The following LYPD6 variants were observed in gnomAD, a reference collection of about 807,000 sequenced individuals.
The protein encoded by LYPD6 is LY6/PLAUR domain containing 6.
In LYPD6, 15 loss-of-function variants were observed where a neutral mutation model predicts 22.7. The ratio of observed to expected loss-of-function variants is 0.66; its 90% CI spans 0.44 to 1.02. The LOEUF is 1.02. Ranked by LOEUF, LYPD6 falls within the 50% of genes least tolerant of loss-of-function variation. The pLI, the probability that LYPD6 is intolerant of heterozygous loss-of-function variation, is 0.00. For synonymous variants in LYPD6, 72 were observed against 77.5 expected (o/e 0.93, Z 0.37); for missense variants, 189 against 208.4 (o/e 0.91, Z 0.57).
At chr2:149,455,494 G>A (rs1237105766) in intron 3 of LYPD6, among the ~76,000 whole-genome samples, 1 of 151,942 alleles carries the variant, frequency 6.6e-6, no homozygotes, top group Non-Finnish European at 1.5e-5. Flanking sequence ...TCCTGACCTC[G>A]TGATCCACCC....
chr2:149,385,247 C>A (rs1483488576), intron 1 of LYPD6, among the ~76,000 whole-genome samples: 4 of 151,996 alleles, frequency 2.6e-5, no homozygotes, highest in Non-Finnish European at 5.9e-5. Flanking sequence ...GTGTGTAAAC[C>A]CAGCCTACCC....
At chr2:149,367,602 G>A (rs989149982) in intron 1 of LYPD6, 5 of 152,210 alleles carry the variant, frequency 3.3e-5, no homozygotes, top group Admixed American at 6.5e-5. Flanking sequence ...TAGATTCTTT[G>A]AGGGAAGAGA....
intron 1 of LYPD6, among the ~76,000 whole-genome samples, chr2:149,339,579 A>T (rs537297141): frequency 8.5e-5 from 13 of 152,302 alleles, no homozygotes; most frequent in African/African-American, 3.1e-4. Flanking sequence ...AGCTAGACAG[A>T]TACCCAAAGT....
At chr2:149,421,149 A>T (rs1418118634) in intron 1 of LYPD6, among the ~76,000 whole-genome samples, 1 of 152,016 alleles carries the variant, frequency 6.6e-6, no homozygotes, top group African/African-American at 2.4e-5. Context: ...TAATCCCAGC[A>T]CTTTGGGAGG....
intron 3 of LYPD6, among the ~76,000 whole-genome samples, chr2:149,459,467 G>T (rs1681037836): frequency 6.6e-6 from 1 of 152,166 alleles, no homozygotes; most frequent in African/African-American, 2.4e-5. Flanking sequence ...AAAAAACTTA[G>T]TAAACGTACT....
At chr2:149,425,901 A>G (rs1049511736) in intron 1 of LYPD6, among the ~76,000 whole-genome samples, 1 of 152,238 alleles carries the variant, frequency 6.6e-6, no homozygotes, top group African/African-American at 2.4e-5. Flanking sequence ...CACAAAAATA[A>G]AACTGCGATG....
intron 1 of LYPD6, among the ~76,000 whole-genome samples, chr2:149,358,421 A>C (rs1229446583): frequency 6.6e-6 from 1 of 152,174 alleles, no homozygotes; most frequent in Non-Finnish European, 1.5e-5. Context: ...GCATTCAGGG[A>C]TTGCTTTAAC....
chr2:149,367,986 A>G (rs577778881), intron 1 of LYPD6: 1 of 152,336 alleles, frequency 6.6e-6, no homozygotes, highest in South Asian at 2.1e-4. Flanking sequence ...AGGTACCGTG[A>G]ATATAAGTAG....
At chr2:149,352,749 G>A (rs980489545) in intron 1 of LYPD6, among the ~76,000 whole-genome samples, 2 of 152,188 alleles carry the variant, frequency 1.3e-5, no homozygotes, top group Admixed American at 1.3e-4. Context: ...TAAAATATTT[G>A]TTATCTGGCC....
chr2:149,486,047 C>T, the LYPD6 span, among the ~76,000 whole-genome samples: 2 of 152,166 alleles, frequency 1.3e-5, no homozygotes, highest in Non-Finnish European at 2.9e-5. Flanking sequence ...AACTGAAATA[C>T]ATTTCACAAA....
intron 3 of LYPD6, among the ~76,000 whole-genome samples, chr2:149,465,893 A>G (rs1053278549): frequency 2.0e-5 from 3 of 152,202 alleles, no homozygotes; most frequent in African/African-American, 7.2e-5. Context: ...TGGGAATACC[A>G]TGTAGTTGCA....
chr2:149,331,131 C>T (rs1359463422), intron 1 of LYPD6, among the ~76,000 whole-genome samples: 1 of 152,188 alleles, frequency 6.6e-6, no homozygotes, highest in East Asian at 1.9e-4. Flanking sequence ...CAGCACCCCA[C>T]ATGTTGCTGC....
intron 3 of LYPD6, among the ~76,000 whole-genome samples, chr2:149,461,565 C>T (rs1681088210): frequency 6.6e-6 from 1 of 151,986 alleles, no homozygotes; most frequent in Admixed American, 6.6e-5. Flanking sequence ...GATACCAAAA[C>T]CAGACCAACA....
At chr2:149,423,358 A>G (rs983311810) in intron 1 of LYPD6, among the ~76,000 whole-genome samples, 2 of 152,178 alleles carry the variant, frequency 1.3e-5, no homozygotes, top group African/African-American at 4.8e-5. Flanking sequence ...CCTTAAATAC[A>G]TTTCCAGTTC....
intron 1 of LYPD6, among the ~76,000 whole-genome samples, chr2:149,352,245 A>G (rs527828139): frequency 7.9e-5 from 12 of 152,324 alleles, no homozygotes; most frequent in African/African-American, 2.6e-4. Flanking sequence ...CTTCAAATGC[A>G]TAAAGGGCTG....
At chr2:149,485,606 C>T in the LYPD6 span, among the ~76,000 whole-genome samples, 6 of 152,174 alleles carry the variant, frequency 3.9e-5, no homozygotes, top group South Asian at 6.2e-4. Flanking sequence ...ATGAAACCTG[C>T]TCTGTTTGTC....
chr2:149,477,469 A>G (rs1681462810), downstream of LYPD6, among the ~76,000 whole-genome samples: 1 of 152,066 alleles, frequency 6.6e-6, no homozygotes, highest in Admixed American at 6.5e-5. Flanking sequence ...CTAAAAAAAC[A>G]AAAATTAGCC....
At chr2:149,354,849 G>T (rs1681422972) in intron 1 of LYPD6, among the ~76,000 whole-genome samples, 1 of 152,160 alleles carries the variant, frequency 6.6e-6, no homozygotes, top group African/African-American at 2.4e-5. Flanking sequence ...TTACGTAATG[G>T]TAGGGCTAGC....
intron 2 of LYPD6, among the ~76,000 whole-genome samples, chr2:149,446,766 C>T (rs1056484462): frequency 6.6e-6 from 1 of 152,070 alleles, no homozygotes; most frequent in Admixed American, 6.6e-5. Context: ...CTGTTTATGA[C>T]TTTTGATCAT....
Sources: allele counts gnomAD v4.1 joint callset (sites outside exome capture counted in the v4.1 genomes callset), GRCh38; gene constraint gnomAD v4.1.1; transcripts MANE v1.5; gene names NCBI Gene and HGNC (gene_info 2026-07-23, HGNC 2026-07-21).